The following GMPS variants were observed in gnomAD, a reference collection of about 807,000 sequenced individuals.
The protein encoded by GMPS is GMP synthase [glutamine-hydrolyzing].
A neutral mutation model predicts 77.9 loss-of-function variants in GMPS; 15 were observed. The ratio of observed to expected loss-of-function variants is 0.19; its 90% confidence interval spans 0.13 to 0.30. The LOEUF (loss-of-function observed/expected upper bound fraction) is 0.30, where lower values mean the gene tolerates loss of function less well. Among genes scored for constraint, GMPS ranks in the 10% least tolerant of loss-of-function variants. GMPS has a pLI of 1.00. For synonymous variants in GMPS, 224 were observed against 275.9 expected (o/e 0.81, Z 1.86); for missense variants, 590 against 838.8 (o/e 0.70, Z 3.66).
rs552940763 is a variant in GMPS, at chr3:155,937,718, C to T, written c.*26C>T. 27 of 945,280 alleles carry T rather than the reference C, an allele frequency of 2.9e-5. No homozygotes were observed. Among genetic ancestry groups the T allele is most frequent in the Middle Eastern group, 2.1e-4 (1 of 4,772 alleles). The allele number at this position is 945,280 out of a possible 1,614,324, so 58.6% of individuals were successfully genotyped here. On this transcript the variant is annotated 3_prime_UTR_variant, in exon 16 of 16. Coordinates refer to ENST00000496455, the MANE Select transcript of GMPS (RefSeq NM_003875.3). ...TAAACTTCTTGTTCTATTAAAGTACCGTGTGCAGTTTAAATTGATTAGAAA... is the reference window on the plus strand; with the variant it reads ...TAAACTTCTTGTTCTATTAAAGTACTGTGTGCAGTTTAAATTGATTAGAAA...
intron 13 of GMPS, among the ~76,000 whole-genome samples, chr3:155,934,417 A>G (rs973710186): frequency 6.6e-6 from 1 of 152,166 alleles, no homozygotes; most frequent in African/African-American, 2.4e-5. Context: ...AGCATAGTCC[A>G]GTCTGTCTTT....
At chr3:155,918,386 A>T (rs559581598) in intron 9 of GMPS, among the ~76,000 whole-genome samples, 278 of 152,358 alleles carry the variant, frequency 1.8e-3, no homozygotes, top group Non-Finnish European at 3.1e-3. Context: ...TGGGAGGCAG[A>T]GGTTGCAGTG....
chr3:155,931,000 A>G (rs779308756), intron 12 of GMPS, among the ~76,000 whole-genome samples: 9 of 151,736 alleles, frequency 5.9e-5, no homozygotes, highest in Admixed American at 3.3e-4. Context: ...TAATTTTTGT[A>G]TATTTTGTAG....
rs1436825922 is a variant in GMPS, at chr3:155,922,225, C to G, written c.1357C>G (p.Pro453Ala). The G allele has an allele frequency of 6.4e-7, 1 of 1,566,962 alleles. No individual in the cohort carries two copies. The highest frequency in any genetic ancestry group is 8.7e-7 in the Non-Finnish European group (1 of 1,154,980). The change falls in exon 11 of 16, where the codon CCT becomes GCT. Residue 453 changes from proline to alanine, a missense_variant. Around this residue, in one of 6 missense-constraint regions of GMPS, gnomAD observed 64 missense variants for 114.5 expected, o/e 0.56. Transcript: ENST00000496455. ...LAIRVICAEE[P>A]YICKDFPETN... ...AATCAGAGTAATATGTGCTGAAGAA[C>G]CTTATATTTGTAAGGACTTTCCTGA...
rs1403762155 is a variant in GMPS, at chr3:155,936,300, A to G, written c.1808-38A>G. The G allele has an allele frequency of 3.6e-6, 5 of 1,375,200 alleles. No homozygotes were observed. In the South Asian group the frequency reaches 4.6e-5, roughly 13 times the overall value. 85.2% of individuals were successfully genotyped at this position (1,375,200 alleles called of 1,614,324 possible). A position where few individuals can be genotyped will look rare whatever the true frequency, so the allele number is the denominator to read the frequency against. ...TTGAACTGAGTTAGAGTGCTTTTCT[A>G]TGGTGTGGTGATTGGTTCTACATAT... On this transcript the variant is annotated intron_variant, in intron 14 of 15. Transcript: ENST00000496455.
chr3:155,884,972 A>G (rs1243045411), intron 1 of GMPS, among the ~76,000 whole-genome samples: 1 of 152,254 alleles, frequency 6.6e-6, no homozygotes, highest in Non-Finnish European at 1.5e-5. Flanking sequence ...AGTCTGGACT[A>G]CTTTGAAAAT....
At chr3:155,895,968 A>G (rs899415072) in intron 2 of GMPS, among the ~76,000 whole-genome samples, 1 of 151,526 alleles carries the variant, frequency 6.6e-6, no homozygotes, top group African/African-American at 2.4e-5. Context: ...ATTATTCAGT[A>G]TGTGTTTTAT....
intron 5 of GMPS, 67 bp from the exon 6 acceptor site, chr3:155,910,625 T>C (rs1755014463): frequency 2.9e-6 from 2 of 696,938 alleles, no homozygotes; most frequent in African/African-American, 3.7e-5. Flanking sequence ...GAGAAATTAA[T>C]TGTGGTTATT....
At chr3:155,874,228 T>C (rs949349326) in intron 1 of GMPS, among the ~76,000 whole-genome samples, 9 of 152,204 alleles carry the variant, frequency 5.9e-5, no homozygotes, top group African/African-American at 2.2e-4. Context: ...AGTTTCCTAC[T>C]CTTTTCCCCT....
intron 3 of GMPS, among the ~76,000 whole-genome samples, chr3:155,898,817 C>T (rs1213233435): frequency 2.0e-5 from 3 of 152,118 alleles, no homozygotes. Context: ...AGGAGGCACA[C>T]GGTGTGGATT....
chr3:155,926,273 A>G (rs1030341468), intron 12 of GMPS, among the ~76,000 whole-genome samples: 9 of 152,058 alleles, frequency 5.9e-5, no homozygotes, highest in African/African-American at 2.2e-4. Flanking sequence ...TGGCCTCCCA[A>G]AGTGTTAGGA....
intron 5 of GMPS, among the ~76,000 whole-genome samples, chr3:155,907,550 C>G (rs1365306837): frequency 3.9e-5 from 6 of 152,124 alleles, no homozygotes; most frequent in African/African-American, 1.2e-4. Flanking sequence ...GGTTGTGCCC[C>G]TACACTCCAT....
At chr3:155,903,015 C>G (rs1236372584) in intron 3 of GMPS, among the ~76,000 whole-genome samples, 1 of 152,118 alleles carries the variant, frequency 6.6e-6, no homozygotes, top group East Asian at 1.9e-4. Flanking sequence ...GAAGAATATG[C>G]TACTCTGAGT....
intron 2 of GMPS, among the ~76,000 whole-genome samples, chr3:155,894,722 A>C (rs1296044354): frequency 6.6e-6 from 1 of 152,238 alleles, no homozygotes; most frequent in Non-Finnish European, 1.5e-5. Flanking sequence ...TGGTTAAAAG[A>C]ACTTTTAAAG....
At chr3:155,904,017 C>A in intron 4 of GMPS, 57 bp downstream of exon 4, 2 of 705,214 alleles carry the variant, frequency 2.8e-6, no homozygotes, top group Non-Finnish European at 4.8e-6. Flanking sequence ...AAAGTTGATA[C>A]TATTATTTTT....
intron 1 of GMPS, among the ~76,000 whole-genome samples, chr3:155,893,128 C>A (rs1344670884): frequency 6.6e-6 from 1 of 152,074 alleles, no homozygotes; most frequent in Non-Finnish European, 1.5e-5. Context: ...ACTTATTGTC[C>A]AAACTGGGAC....
chr3:155,903,180 A>G (rs2068601), intron 3 of GMPS, among the ~76,000 whole-genome samples: 8,304 of 152,310 alleles, frequency 0.055, 320 homozygotes, highest in East Asian at 0.18. Flanking sequence ...CTGCAGATCT[A>G]ATGTTTGCAA....
At chr3:155,905,447 CACTT>C (rs541556250) in intron 4 of GMPS, among the ~76,000 whole-genome samples, 77 of 152,192 alleles carry the variant, frequency 5.1e-4, no homozygotes, top group African/African-American at 1.8e-3. Flanking sequence ...TCTTAAGTAA[CACTT>C]ACTTAACTAA....
intron 11 of GMPS, among the ~76,000 whole-genome samples, chr3:155,922,824 T>C (rs939032545): frequency 6.6e-6 from 1 of 152,214 alleles, no homozygotes; most frequent in South Asian, 2.1e-4. Flanking sequence ...ATTCTACAGA[T>C]TTGGGGTTTT....
Sources: allele counts gnomAD v4.1 joint callset (sites outside exome capture counted in the v4.1 genomes callset), GRCh38; gene constraint gnomAD v4.1.1; regional missense constraint gnomAD v4.1.1; transcripts MANE v1.5; gene names NCBI Gene and HGNC (gene_info 2026-07-23, HGNC 2026-07-21).